Variants in SYBU observed in about 807,000 individuals in gnomAD.
The protein encoded by SYBU is GOLSYN A protein.
A neutral mutation model predicts 35.9 loss-of-function variants in SYBU; 21 were observed. The observed-to-expected ratio is 0.58, with a 90% CI of 0.41 to 0.84. The LOEUF (loss-of-function observed/expected upper bound fraction) is 0.84, where lower values mean the gene tolerates loss of function less well. Among genes scored for constraint, SYBU ranks in the 40% least tolerant of loss-of-function variants. SYBU has a pLI of 0.00. For synonymous variants in SYBU, 319 were observed against 324.3 expected, an observed-to-expected ratio of 0.98 and a Z score of 0.18; for missense variants, 768 against 848.2, an observed-to-expected ratio of 0.91 and a Z score of 1.17.
intron 6 of SYBU, 50 bp downstream of exon 6, chr8:109,577,818 T>C: frequency 6.6e-7 from 1 of 1,506,980 alleles, no homozygotes; most frequent in Middle Eastern, 1.8e-4. Context: ...TTTCATTTTA[T>C]GGAGAAAGAA....
At chr8:109,670,072 GT>G (rs1311400432) in intron 1 of SYBU, among the ~76,000 whole-genome samples, 67 of 152,274 alleles carry the variant, frequency 4.4e-4, no homozygotes, top group African/African-American at 1.5e-3. Flanking sequence ...GTTATTAGCT[GT>G]CAGTAATGGT....
chr8:109,634,071 T>C (rs1462818774), intron 2 of SYBU, among the ~76,000 whole-genome samples: 1 of 152,152 alleles, frequency 6.6e-6, no homozygotes, highest in Non-Finnish European at 1.5e-5. Context: ...GCTGCTCGTT[T>C]TTATGATGGT....
At chr8:109,582,657 G>GTCATCATCA (rs946740158) in intron 4 of SYBU, among the ~76,000 whole-genome samples, 10 of 152,004 alleles carry the variant, frequency 6.6e-5, no homozygotes, top group Admixed American at 5.9e-4. Flanking sequence ...CATCATCATC[G>GTCATCATCA]TCATCATCAT....
At chr8:109,654,708 C>A (rs1423827311) in intron 1 of SYBU, among the ~76,000 whole-genome samples, 2 of 152,156 alleles carry the variant, frequency 1.3e-5, no homozygotes, top group East Asian at 3.8e-4. Context: ...TCACTACATT[C>A]CAAATTGAAT....
chr8:109,597,007 T>C (rs1359473887), intron 3 of SYBU, among the ~76,000 whole-genome samples: 2 of 152,206 alleles, frequency 1.3e-5, no homozygotes, highest in Non-Finnish European at 2.9e-5. Flanking sequence ...GAATCTCTGT[T>C]TTACCTTATT....
chr8:109,586,357 T>C, intron 3 of SYBU, 195 bp from the exon 4 acceptor site: 1 of 568,678 alleles, frequency 1.8e-6, no homozygotes, highest in Non-Finnish European at 3.1e-6. Flanking sequence ...CATCATTTCA[T>C]AAACACAGCT....
At chr8:109,579,762 C>T (rs1347730434) in intron 5 of SYBU, 37 bp downstream of exon 5, 1 of 1,576,672 alleles carries the variant, frequency 6.3e-7, no homozygotes, top group East Asian at 2.2e-5. Context: ...CCAAGTAGGA[C>T]AAACTAAGAT....
At chr8:109,579,717 A>G (rs1822785254) in intron 5 of SYBU, 82 bp downstream of exon 5, 2 of 1,306,032 alleles carry the variant, frequency 1.5e-6, no homozygotes, top group Non-Finnish European at 2.2e-6. Flanking sequence ...CAAGAGTTGT[A>G]TAACTTTTTT....
Position 109,574,775 on chromosome 8 carries a change from A to C in SYBU, c.*131T>G, listed in dbSNP as rs1822013874. On this transcript the variant is annotated 3_prime_UTR_variant, in exon 7 of 7. Transcript: ENST00000276646. ...TTAAACAGTGAACAGGCTTCAACTA[A>C]ATATAGTGCAAATCAAATACCAAGG... is the stretch of plus-strand genomic sequence containing the variant. The C allele has an allele frequency of 1.9e-6, 2 of 1,034,222 alleles. No homozygotes were observed. The highest frequency in any genetic ancestry group is 2.7e-6 in the Non-Finnish European group (2 of 734,464). 64.1% of individuals were successfully genotyped at this position (1,034,222 alleles called of 1,614,324 possible). A position where few individuals can be genotyped will look rare whatever the true frequency, so the allele number is the denominator to read the frequency against.
chr8:109,618,477 T>C (rs1179059191), intron 3 of SYBU, among the ~76,000 whole-genome samples: 1 of 152,252 alleles, frequency 6.6e-6, no homozygotes. Flanking sequence ...CCTGTTCTCT[T>C]CACGGTTTGT....
intron 1 of SYBU, among the ~76,000 whole-genome samples, chr8:109,660,571 C>T (rs1405929989): frequency 6.6e-6 from 1 of 152,080 alleles, no homozygotes; most frequent in Non-Finnish European, 1.5e-5. Context: ...ACCTTTAATT[C>T]AGGCTAAGGA....
At chr8:109,619,142 G>A (rs375910584) in intron 2 of SYBU, 103 bp from the exon 3 acceptor site, 23 of 804,584 alleles carry the variant, frequency 2.9e-5, no homozygotes, top group South Asian at 2.0e-4. Context: ...ACTCGCACAC[G>A]TACACTCTGC....
chr8:109,688,442 T>C (rs748997593), intron 1 of SYBU, among the ~76,000 whole-genome samples: 20 of 152,236 alleles, frequency 1.3e-4, no homozygotes, highest in Non-Finnish European at 2.9e-4. Context: ...ACAGAAGCTT[T>C]AGTCTCTGTT....
chr8:109,622,751 T>G (rs1418496904), intron 2 of SYBU, among the ~76,000 whole-genome samples: 1 of 151,968 alleles, frequency 6.6e-6, no homozygotes, highest in African/African-American at 2.4e-5. Flanking sequence ...TATATATTTT[T>G]AGCTTTTATA....
At chr8:109,642,096 C>T (rs891112051) in intron 2 of SYBU, among the ~76,000 whole-genome samples, 1 of 152,172 alleles carries the variant, frequency 6.6e-6, no homozygotes, top group African/African-American at 2.4e-5. Flanking sequence ...AAATGTGGCA[C>T]ATATACACCA....
chr8:109,667,488 G>C (rs367832905), intron 1 of SYBU, among the ~76,000 whole-genome samples: 45 of 149,274 alleles, frequency 3.0e-4, no homozygotes, highest in Admixed American at 1.3e-4. Flanking sequence ...CCATCAATTT[G>C]GTATTTTTCA....
intron 1 of SYBU, among the ~76,000 whole-genome samples, chr8:109,668,165 G>GGAGAGAGAGAAAGGGGAGGGAGAGAGA (rs1338581968): frequency 2.2e-5 from 2 of 88,990 alleles, no homozygotes; most frequent in Non-Finnish European, 4.0e-5. Flanking sequence ...GGGGAGAGGG[G>GGAGAGAGAGAAAGGGGAGGGAGAGAGA]GAGAGAGAGA....
intron 2 of SYBU, among the ~76,000 whole-genome samples, chr8:109,638,661 A>G (rs893409857): frequency 6.6e-6 from 1 of 152,224 alleles, no homozygotes; most frequent in African/African-American, 2.4e-5. Context: ...ATAATGTACA[A>G]TGTTCTACTT....
Position 109,691,326 on chromosome 8 carries a change from G to A in SYBU, c.-58+7C>T, listed in dbSNP as rs772423541. 1 of 701,618 alleles carries A rather than the reference G, an allele frequency of 1.4e-6. No homozygotes were observed. Among genetic ancestry groups the A allele is most frequent in the Non-Finnish European group, 2.6e-6 (1 of 384,554 alleles). The allele number at this position is 701,618 out of a possible 1,614,324, so 43.5% of individuals were successfully genotyped here. A position where few individuals can be genotyped will look rare whatever the true frequency, so the allele number is the denominator to read the frequency against. ...CAGCAGAGACCGCATAGGCGCCCCG[G>A]TCTTACCCTTTCTCGCCCAGAAGGG... On this transcript the variant is annotated splice_region_variant and intron_variant, in intron 1 of 7. Transcript: ENST00000422135. The surrounding 1 kb of genome is among the most constrained non-coding windows in gnomAD (Gnocchi z 4.7).
Sources: gnomAD v4.1 joint callset for allele counts (sites outside exome capture counted in the v4.1 genomes callset) on GRCh38, gnomAD v4.1.1 for gene constraint, Gnocchi (gnomAD v3.1) non-coding constraint, MANE v1.5 for transcripts, NCBI Gene and HGNC (gene_info 2026-07-23, HGNC 2026-07-21) for gene names.